The following SPATA2 variants were observed in gnomAD, a reference collection of about 807,000 sequenced individuals.
SPATA2 encodes spermatogenesis-associated protein 2.
Under a neutral mutation model 35.4 loss-of-function variants are expected in SPATA2, and 8 were observed. That is an observed-to-expected ratio of 0.23 (90% confidence interval 0.13 to 0.41). The LOEUF (loss-of-function observed/expected upper bound fraction) is 0.41. Among genes scored for constraint, SPATA2 ranks in the 10% least tolerant of loss-of-function variants. The pLI is 1.00. For synonymous variants in SPATA2, 293 were observed against 300.9 expected, an observed-to-expected ratio of 0.97 and a Z score of 0.27; for missense variants, 650 against 698.7, an observed-to-expected ratio of 0.93 and a Z score of 0.79.
Position 49,908,241 on chromosome 20 carries a change from C to A in SPATA2, c.250G>T (p.Ala84Ser). 1 of 1,614,132 alleles carries A rather than the reference C, an allele frequency of 6.2e-7. No individual in the cohort carries two copies. The highest frequency in any genetic ancestry group is 8.5e-7 in the Non-Finnish European group (1 of 1,180,034). Residue 84 changes from alanine to serine, a missense_variant, in exon 2 of 3, where the codon GCT (alanine) becomes TCT (serine). Ala to Ser is a moderately conservative substitution (Grantham distance 99, BLOSUM62 1). Coordinates refer to ENST00000289431, the MANE Select transcript of SPATA2 (RefSeq NM_006038.4). The part of the protein sequence containing the change: ...LRSLSSSSLR[A>S]LHGAFSMLET... ...AGCATGCTGAAGGCGCCGTGCAGAG[C>A]CCGCAGGCTAGAGGAGCTGAGCGAG...
chr20:49,906,582 A>G lies in SPATA2; in HGVS notation c.600T>C (p.Ser200=), dbSNP rs1431163751. 3.7e-6 allele frequency: 6 copies of G among 1,614,076 alleles called. No individual in the cohort carries two copies. Among genetic ancestry groups the G allele is most frequent in the Non-Finnish European group, 5.1e-6 (6 of 1,180,036 alleles). ...ELDIVSERKS[S]AEDVRGCSDA... ...CCGAGCAGCCGCGCACATCCTCTGC[A>G]CTGCTCTTGCGCTCGCTCACAATGT... The change falls in exon 3 of 3, where the codon AGT becomes AGC. Residue 200 remains serine (S), a synonymous_variant. Coordinates refer to ENST00000289431, the MANE Select transcript of SPATA2 (RefSeq NM_006038.4). The surrounding 1 kb of genome is among the most constrained non-coding windows in gnomAD (Gnocchi z 8.2).
intron 1 of SPATA2, among the ~76,000 whole-genome samples, chr20:49,911,562 G>A (rs779442434): frequency 3.3e-5 from 5 of 152,006 alleles, no homozygotes; most frequent in Non-Finnish European, 7.4e-5. Context: ...AGCTACTCGG[G>A]AGGCTGAGGC....
intron 1 of SPATA2, 130 bp from the exon 2 acceptor site, chr20:49,908,722 T>C (rs2090164667): frequency 7.5e-6 from 4 of 529,976 alleles, no homozygotes; most frequent in Non-Finnish European, 1.3e-5. Flanking sequence ...CTACAGAGCA[T>C]GTACTACAAG....
In SPATA2 at chr20:49,914,030, G is replaced by GA. The variant is rs76188301; in HGVS notation, c.-103+1349dup. On this transcript the variant is annotated intron_variant, in intron 1 of 2. Coordinates refer to ENST00000289431, the MANE Select transcript of SPATA2 (RefSeq NM_006038.4). ...AACGCCAAGCCGTGCCAGTCTGGTG[G>GA]AAAAAAAAAAAAAAAAAAACCCAAA... is the stretch of plus-strand genomic sequence containing the variant. Among the ~76,000 whole-genome samples, 283 of 142,636 alleles carry GA rather than the reference G, an allele frequency of 2.0e-3. 1 individual carries two copies. The highest frequency in any genetic ancestry group is 7.1e-3 in the Middle Eastern group (2 of 280). 93.6% of individuals were successfully genotyped at this position (142,636 alleles called of 152,430 possible).
At chr20:49,908,087 T>G in intron 2 of SPATA2, 68 bp downstream of exon 2, 1 of 1,460,866 alleles carries the variant, frequency 6.8e-7, no homozygotes, top group Non-Finnish European at 9.3e-7. Context: ...GCATAGCCTC[T>G]CAGGAGGGAC....
chr20:49,910,199 G>T (rs950435549), intron 1 of SPATA2, among the ~76,000 whole-genome samples: 1 of 152,204 alleles, frequency 6.6e-6, no homozygotes, highest in African/African-American at 2.4e-5. Flanking sequence ...CCAAGGCCAG[G>T]CACCTGCGAG....
intron 1 of SPATA2, among the ~76,000 whole-genome samples, chr20:49,910,124 G>A (rs868673728): frequency 1.3e-5 from 2 of 152,302 alleles, no homozygotes; most frequent in Admixed American, 6.5e-5. Flanking sequence ...GAGCGAATCC[G>A]GATTAATGGA....
rs1489610520 is a variant in SPATA2 at position 49,906,161 on chromosome 20, A to G, written c.1021T>C (p.Ser341Pro). The G allele has an allele frequency of 6.2e-7, 1 of 1,605,062 alleles. No homozygotes were observed. Among genetic ancestry groups the G allele is most frequent in the Non-Finnish European group, 8.5e-7 (1 of 1,175,150 alleles). The change falls in exon 3 of 3, where the codon TCT becomes CCT. Residue 341 changes from serine to proline, a missense_variant. Ser to Pro is a moderately conservative substitution (Grantham distance 74). Coordinates refer to ENST00000289431, the MANE Select transcript of SPATA2 (RefSeq NM_006038.4). The surrounding 1 kb of genome is among the most constrained non-coding windows in gnomAD (Gnocchi z 8.2). ...TQDDVDLYTD[S>P]EPRATYRRQD... The stretch of plus-strand genomic sequence containing the variant: ...CGACGGTAGGTGGCCCTGGGTTCAG[A>G]GTCTGTGTACAGATCCACGTCATCC...
intron 1 of SPATA2, among the ~76,000 whole-genome samples, chr20:49,913,314 C>T (rs1033332770): frequency 4.6e-5 from 7 of 152,176 alleles, no homozygotes; most frequent in Non-Finnish European, 8.8e-5. Flanking sequence ...CTGGGAGGCC[C>T]TTGATGCCTG....
chr20:49,909,358 C>T (rs751160080), intron 1 of SPATA2, among the ~76,000 whole-genome samples: 2 of 151,940 alleles, frequency 1.3e-5, no homozygotes, highest in Non-Finnish European at 2.9e-5. Context: ...AGGAGAGAGA[C>T]GCTACAGGCA....
chr20:49,905,907 G>A lies in SPATA2; in HGVS notation c.1275C>T (p.His425=), dbSNP rs562193503. The change falls in exon 3 of 3, where the codon CAC becomes CAT. Residue 425 remains histidine, a synonymous_variant. Coordinates refer to ENST00000289431, the MANE Select transcript of SPATA2 (RefSeq NM_006038.4). The part of the protein sequence containing the change: ...SKASTHDSLA[H]GASLREKYPG... ...GGTACTTCTCCCGCAGAGATGCCCC[G>A]TGGGCCAGGCTGTCATGAGTCGAGG... 5.8e-5 allele frequency: 93 copies of A among 1,612,432 alleles called. No homozygotes were observed. In the Middle Eastern group the frequency reaches 8.3e-4, roughly 14 times the overall value.
At chr20:49,908,032 G>A in intron 2 of SPATA2, 123 bp downstream of exon 2, 1 of 1,004,798 alleles carries the variant, frequency 1.0e-6, no homozygotes, top group Non-Finnish European at 1.5e-6. Flanking sequence ...GGAAGGTTCG[G>A]AGCCCGGAAG....
chr20:49,906,210 C>G lies in SPATA2; in HGVS notation c.972G>C (p.Leu324=). Residue 324 remains leucine, a synonymous_variant, in exon 3 of 3, where the codon CTG becomes CTC. Coordinates refer to ENST00000289431, the MANE Select transcript of SPATA2 (RefSeq NM_006038.4). This position sits in a 1 kb window ranked among gnomAD's most constrained non-coding sequence, Gnocchi z 8.2. ...PASPSNGPAL[L]RGTYFSTQDD... The stretch of plus-strand genomic sequence containing the variant: ...CCTGAGTGGAGAAGTAGGTACCGCG[C>G]AGCAGGGCCGGGCCGTTGCTGGGGG... 1 of 1,574,834 alleles carries G rather than the reference C, an allele frequency of 6.3e-7. No homozygotes were observed. The highest frequency in any genetic ancestry group is 8.6e-7 in the Non-Finnish European group (1 of 1,157,988).
chr20:49,914,862 G>A (rs1400575249), intron 1 of SPATA2, among the ~76,000 whole-genome samples: 1 of 152,198 alleles, frequency 6.6e-6, no homozygotes, highest in Non-Finnish European at 1.5e-5. Flanking sequence ...TGAATTGAAT[G>A]AAGTAACAGG....
At chr20:49,912,985 T>C (rs1442314215) in intron 1 of SPATA2, among the ~76,000 whole-genome samples, 2 of 151,188 alleles carry the variant, frequency 1.3e-5, no homozygotes, top group Non-Finnish European at 2.9e-5. Flanking sequence ...GACACCCACC[T>C]GTAGTCTTAG....
At position 49,907,210 on chromosome 20, in the gene SPATA2, G is replaced by A. The variant is rs185269905; in HGVS notation, c.337-365C>T. 4.8e-4 allele frequency among the ~76,000 whole-genome samples: 73 copies of A among 152,230 alleles called. No homozygotes were observed. The East Asian group carries it at 0.011, about 24-fold the overall frequency. ...TGAATAGCTGGGATTACAGGCGCCC[G>A]CCAACACGCCCAGCTAATTTTTCTG... On this transcript the variant is annotated intron_variant, in intron 2 of 2. Coordinates refer to ENST00000289431, the MANE Select transcript of SPATA2 (RefSeq NM_006038.4).
Position 49,908,571 on chromosome 20 carries a change from C to T in SPATA2, c.-81G>A. 1 of 1,173,486 alleles carries T rather than the reference C, an allele frequency of 8.5e-7. No homozygotes were observed. Among genetic ancestry groups the T allele is most frequent in the Non-Finnish European group, 1.2e-6 (1 of 826,516 alleles). The allele number at this position is 1,173,486 out of a possible 1,614,324, so 72.7% of individuals were successfully genotyped here. A position where few individuals can be genotyped will look rare whatever the true frequency, so the allele number is the denominator to read the frequency against. On this transcript the variant is annotated 5_prime_UTR_variant, in exon 2 of 3. Coordinates refer to ENST00000289431, the MANE Select transcript of SPATA2 (RefSeq NM_006038.4). ...CATCACTAAAAGCATGGACATGTTGCCGCCTGGACCAGCGGAGTGCTCTGG... is the reference window on the plus strand; with the variant it reads ...CATCACTAAAAGCATGGACATGTTGTCGCCTGGACCAGCGGAGTGCTCTGG...
intron 1 of SPATA2, among the ~76,000 whole-genome samples, chr20:49,911,279 C>T (rs1378965248): frequency 6.6e-6 from 1 of 152,126 alleles, no homozygotes; most frequent in Non-Finnish European, 1.5e-5. Flanking sequence ...CTGGTAAGCT[C>T]GTGGTAAGCT....
In SPATA2 at chr20:49,910,552, G is replaced by C. The variant is rs553263807; in HGVS notation, c.-102-1960C>G. On this transcript the variant is annotated intron_variant, in intron 1 of 2. Transcript: ENST00000289431. ...GGCCTGTGACCATCTTGCTCAGTAA[G>C]GTGACCTGTGTGCTTCATGTCTGCT... Among the ~76,000 whole-genome samples, 29 of 152,282 alleles carry C rather than the reference G, an allele frequency of 1.9e-4. 1 individual carries two copies. The highest frequency in any genetic ancestry group is 7.0e-4 in the African/African-American group (29 of 41,546).
Sources: allele counts gnomAD v4.1 joint callset (sites outside exome capture counted in the v4.1 genomes callset), GRCh38; gene constraint gnomAD v4.1.1; non-coding constraint Gnocchi (gnomAD v3.1); transcripts MANE v1.5; gene names NCBI Gene and HGNC (gene_info 2026-07-23, HGNC 2026-07-21).